The following BCAS3 variants were observed in gnomAD, a reference collection of about 807,000 sequenced individuals.
BCAS3 encodes the protein BCAS4/BCAS3 fusion.
A neutral mutation model predicts 116.1 loss-of-function variants in BCAS3; 53 were observed. That is an observed-to-expected ratio of 0.46 (90% CI 0.37 to 0.57). The LOEUF (loss-of-function observed/expected upper bound fraction) is 0.57. Ranked by LOEUF, BCAS3 falls within the 20% of genes least tolerant of loss-of-function variation. BCAS3 has a pLI of 0.00. For synonymous variants in BCAS3, 391 were observed against 408.2 expected (o/e 0.96, Z 0.51); for missense variants, 917 against 1,165.4 (o/e 0.79, Z 3.10).
At chr17:60,907,820 A>G (rs1243316396) in intron 11 of BCAS3, among the ~76,000 whole-genome samples, 1 of 152,222 alleles carries the variant, frequency 6.6e-6, no homozygotes, top group Non-Finnish European at 1.5e-5. Flanking sequence ...AGTCAGATAT[A>G]TACATACTCT....
At position 61,228,500 on chromosome 17, in the gene BCAS3, G is replaced by A. The variant is rs1214106027; in HGVS notation, c.2426-139827G>A. Among the ~76,000 whole-genome samples the A allele has an allele frequency of 1.3e-5, 2 of 152,178 alleles. No individual in the cohort carries two copies. The highest frequency in any genetic ancestry group is 2.9e-5 in the Non-Finnish European group (2 of 68,036). ...CAAATTGAAGATTTGTGGCAACTGT[G>A]TTAAGTGTGTAGACATCATTTTTCT... On this transcript the variant is annotated intron_variant, in intron 22 of 23. Coordinates refer to ENST00000407086, the MANE Select transcript of BCAS3 (RefSeq NM_017679.5). The surrounding 1 kb of genome is among the most constrained non-coding windows in gnomAD (Gnocchi z 5.0).
Position 61,228,355 on chromosome 17 carries a change from G to A in BCAS3, c.2426-139972G>A, listed in dbSNP as rs1294998889. Among the ~76,000 whole-genome samples, 1 of 152,162 alleles carries A rather than the reference G, an allele frequency of 6.6e-6. No homozygotes were observed. Among genetic ancestry groups the A allele is most frequent in the African/African-American group, 2.4e-5 (1 of 41,438 alleles). On this transcript the variant is annotated intron_variant, in intron 22 of 23. Coordinates refer to ENST00000407086, the MANE Select transcript of BCAS3 (RefSeq NM_017679.5). This position sits in a 1 kb window ranked among gnomAD's most constrained non-coding sequence, Gnocchi z 5.0. ...GTAATTTATAGTGTATTTTTTTAAG[G>A]TGGGAAGGACACATGGGTATGGTGT...
At chr17:60,855,893 G>T (rs2144829081) in intron 7 of BCAS3, among the ~76,000 whole-genome samples, 1 of 152,164 alleles carries the variant, frequency 6.6e-6, no homozygotes, top group South Asian at 2.1e-4. Context: ...TGTTGTCAAG[G>T]CTGGTCTCGA....
intron 9 of BCAS3, chr17:60,886,588 G>C (rs2056659718): frequency 6.7e-6 from 1 of 150,150 alleles, no homozygotes; most frequent in African/African-American, 2.4e-5. Context: ...ATCTACTTTT[G>C]GTCTTTGATG....
intron 9 of BCAS3, among the ~76,000 whole-genome samples, chr17:60,885,847 A>G (rs1417596453): frequency 6.9e-6 from 1 of 145,202 alleles, no homozygotes; most frequent in East Asian, 2.0e-4. Context: ...TTTGAGGGTA[A>G]CCCGACCTTT....
rs774540788 is a variant in BCAS3 at position 61,368,541 on chromosome 17, C to T, written c.2593+47C>T. 6.5e-7 allele frequency: 1 copy of T among 1,536,586 alleles called. No individual in the cohort carries two copies. The highest frequency in any genetic ancestry group is 1.9e-5 in the Admixed American group (1 of 52,698). ...TAGCCTGATTTGGTCAGGACCAGCA[C>T]CTGTTGGTGCAGAGCTTCTCTGGAA... On this transcript the variant is annotated intron_variant, in intron 23 of 23. Coordinates refer to ENST00000407086, the MANE Select transcript of BCAS3 (RefSeq NM_017679.5). This position sits in a 1 kb window ranked among gnomAD's most constrained non-coding sequence, Gnocchi z 6.0.
chr17:60,911,339 C>T (rs1171327394), intron 12 of BCAS3, among the ~76,000 whole-genome samples: 2 of 152,016 alleles, frequency 1.3e-5, no homozygotes, highest in Non-Finnish European at 2.9e-5. Context: ...TGCTCTGTCG[C>T]CCAAGCTAGA....
intron 23 of BCAS3, among the ~76,000 whole-genome samples, chr17:61,373,900 C>A (rs930311798): frequency 7.0e-6 from 1 of 142,888 alleles, no homozygotes; most frequent in Admixed American, 7.3e-5. Context: ...TGGGTTCAAG[C>A]GAATCGCATG....
At chr17:61,218,551 G>C (rs1441525440) in intron 22 of BCAS3, among the ~76,000 whole-genome samples, 1 of 152,180 alleles carries the variant, frequency 6.6e-6, no homozygotes, top group Non-Finnish European at 1.5e-5. Context: ...AAGAGGCACA[G>C]GGATGGATCT....
At chr17:60,965,970 G>A (rs759293763) in intron 14 of BCAS3, among the ~76,000 whole-genome samples, 1 of 152,152 alleles carries the variant, frequency 6.6e-6, no homozygotes, top group Non-Finnish European at 1.5e-5. Flanking sequence ...GTCTATCTCT[G>A]TTTTAGATCT....
intron 6 of BCAS3, among the ~76,000 whole-genome samples, chr17:60,766,878 G>A (rs1010077126): frequency 6.6e-6 from 1 of 152,212 alleles, no homozygotes; most frequent in Non-Finnish European, 1.5e-5. Flanking sequence ...TGGCTGCTTT[G>A]TTTACCTACT....
At chr17:61,266,231 G>A (rs1297847394) in intron 22 of BCAS3, among the ~76,000 whole-genome samples, 3 of 152,110 alleles carry the variant, frequency 2.0e-5, no homozygotes, top group Non-Finnish European at 4.4e-5. Flanking sequence ...TTTTACCTTA[G>A]TACTTGGGAG....
chr17:61,126,153 C>T lies in BCAS3; in HGVS notation c.2425+41589C>T, dbSNP rs11868040. Among the ~76,000 whole-genome samples, 528 of 152,184 alleles carry T rather than the reference C, an allele frequency of 3.5e-3. 4 individuals carry two copies. Among genetic ancestry groups the T allele is most frequent in the Middle Eastern group, 0.014 (4 of 294 alleles). On this transcript the variant is annotated intron_variant, in intron 22 of 23. Transcript: ENST00000407086. This position sits in a 1 kb window ranked among gnomAD's most constrained non-coding sequence, Gnocchi z 4.6. ...AACTAATGTTTCTATAACCTCTGACCGAATACAGAAGATCCAAAATACTTC... is the reference window on the plus strand; with the variant it reads ...AACTAATGTTTCTATAACCTCTGACTGAATACAGAAGATCCAAAATACTTC...
intron 13 of BCAS3, 36 bp from the exon 14 acceptor site, chr17:60,947,183 C>T (rs1451797114): frequency 1.3e-6 from 2 of 1,577,932 alleles, no homozygotes; most frequent in Admixed American, 1.7e-5. Flanking sequence ...CATACATAAT[C>T]ATTTTTATTT....
chr17:60,973,773 G>T (rs2062122924), intron 14 of BCAS3, among the ~76,000 whole-genome samples: 1 of 151,710 alleles, frequency 6.6e-6, no homozygotes, highest in South Asian at 2.1e-4. Flanking sequence ...TGTGTTTTTG[G>T]TAGATACAGG....
At chr17:60,725,340 C>CT (rs1283119865) in intron 5 of BCAS3, among the ~76,000 whole-genome samples, 1 of 152,140 alleles carries the variant, frequency 6.6e-6, no homozygotes, top group African/African-American at 2.4e-5. Flanking sequence ...TTGCTCTTTG[C>CT]TTTAAATCTA....
At chr17:60,831,339 G>A (rs1183898271) in intron 7 of BCAS3, among the ~76,000 whole-genome samples, 1 of 151,650 alleles carries the variant, frequency 6.6e-6, no homozygotes, top group East Asian at 1.9e-4. Flanking sequence ...ACCACGCCTA[G>A]CTAATTTTTG....
intron 19 of BCAS3, among the ~76,000 whole-genome samples, chr17:61,046,651 C>T: frequency 6.6e-6 from 1 of 151,782 alleles, no homozygotes; most frequent in Non-Finnish European, 1.5e-5. Flanking sequence ...ACGCAACCAT[C>T]CTTTTTTTTT....
Position 61,388,839 on chromosome 17 carries a change from A to T in BCAS3, c.2594-3138A>T, listed in dbSNP as rs1344986310. 1 of 917,458 alleles carries T rather than the reference A, an allele frequency of 1.1e-6. No individual in the cohort carries two copies. The highest frequency in any genetic ancestry group is 1.7e-5 in the African/African-American group (1 of 59,402). The allele number at this position is 917,458 out of a possible 1,614,324, so 56.8% of individuals were successfully genotyped here. On this transcript the variant is annotated intron_variant, in intron 23 of 23. Coordinates refer to ENST00000407086, the MANE Select transcript of BCAS3 (RefSeq NM_017679.5). This position sits in a 1 kb window ranked among gnomAD's most constrained non-coding sequence, Gnocchi z 6.5. ...CACCCCTGCCTGCAGGGGGAGGAGC[A>T]GAAGGGGTCTGAGAGGAGGCGTGGA...
Sources: gnomAD v4.1 joint callset for allele counts (sites outside exome capture counted in the v4.1 genomes callset) on GRCh38, gnomAD v4.1.1 for gene constraint, Gnocchi (gnomAD v3.1) non-coding constraint, MANE v1.5 for transcripts, NCBI Gene and HGNC (gene_info 2026-07-23, HGNC 2026-07-21) for gene names.